Variants in ASTN2 observed in about 807,000 individuals in gnomAD.
ASTN2 encodes astrotactin-2.
Under a neutral mutation model 139.8 loss-of-function variants are expected in ASTN2, and 54 were observed. The observed-to-expected ratio is 0.39, with a 90% CI of 0.31 to 0.48. The LOEUF (loss-of-function observed/expected upper bound fraction) is 0.48. Ranked by LOEUF, ASTN2 falls within the 20% of genes least tolerant of loss-of-function variation. ASTN2 has a pLI of 0.95. For synonymous variants in ASTN2, 756 were observed against 719.5 expected (o/e 1.05, Z -0.81); for missense variants, 1,565 against 1,725.1 (o/e 0.91, Z 1.64).
chr9:117,236,485 A>C (rs961791868), intron 2 of ASTN2, among the ~76,000 whole-genome samples: 1 of 152,174 alleles, frequency 6.6e-6, no homozygotes, highest in African/African-American at 2.4e-5. Context: ...AGCAATGAAG[A>C]GGGAGCTCAG....
chr9:117,315,072 TTA>T (rs1828102281), intron 1 of ASTN2, among the ~76,000 whole-genome samples: 1 of 151,180 alleles, frequency 6.6e-6, no homozygotes, highest in African/African-American at 2.4e-5. Context: ...TACCAAATGC[TTA>T]CTCCAACATA....
Position 116,811,053 on chromosome 9 carries a change from G to A in ASTN2, c.2208-5233C>T, listed in dbSNP as rs139177941. ...CTATAGTTAAGGCACTAGCTCATTC[G>A]TAATGTGTTCGTGTTCTTTCTTTGC... On this transcript the variant is annotated intron_variant, in intron 12 of 22. Coordinates refer to ENST00000313400, the MANE Select transcript of ASTN2 (RefSeq NM_001365068.1). Among the ~76,000 whole-genome samples the A allele has an allele frequency of 6.8e-3, 1,031 of 152,166 alleles. 10 individuals are homozygous for A. Among genetic ancestry groups the A allele is most frequent in the African/African-American group, 0.023 (973 of 41,536 alleles).
intron 1 of ASTN2, among the ~76,000 whole-genome samples, chr9:117,407,020 G>A (rs1275954916): frequency 6.6e-6 from 1 of 152,090 alleles, no homozygotes; most frequent in Non-Finnish European, 1.5e-5. Flanking sequence ...AAAGGGCCTG[G>A]CTATGATTAT....
intron 10 of ASTN2, among the ~76,000 whole-genome samples, chr9:116,962,909 A>G (rs113857851): frequency 5.3e-5 from 8 of 152,192 alleles, no homozygotes; most frequent in Non-Finnish European, 1.0e-4. Flanking sequence ...ATATCAAAAC[A>G]TCTTCGTGAA....
At chr9:117,306,359 C>G (rs1012916231) in intron 1 of ASTN2, among the ~76,000 whole-genome samples, 33 of 152,154 alleles carry the variant, frequency 2.2e-4, no homozygotes, top group African/African-American at 7.7e-4. Context: ...GGAGTTATCC[C>G]AGGTTACATA....
intron 2 of ASTN2, among the ~76,000 whole-genome samples, chr9:117,255,661 A>G (rs1249709856): frequency 6.6e-6 from 1 of 152,234 alleles, no homozygotes; most frequent in Non-Finnish European, 1.5e-5. Context: ...AGAAAAGTAC[A>G]GAAAGAAGAT....
chr9:117,227,053 G>A (rs1832736944), intron 2 of ASTN2, among the ~76,000 whole-genome samples: 1 of 152,160 alleles, frequency 6.6e-6, no homozygotes, highest in Non-Finnish European at 1.5e-5. Context: ...AGCTTCTGAA[G>A]GGAGCTGGCA....
chr9:117,135,599 G>A (rs903406756), intron 4 of ASTN2, among the ~76,000 whole-genome samples: 4 of 152,126 alleles, frequency 2.6e-5, no homozygotes, highest in Non-Finnish European at 5.9e-5. Flanking sequence ...TCCATCATGG[G>A]ACTGTGAGAG....
chr9:116,675,028 C>A (rs1333886766), intron 16 of ASTN2, among the ~76,000 whole-genome samples: 1 of 152,152 alleles, frequency 6.6e-6, no homozygotes, highest in Admixed American at 6.5e-5. Context: ...GGTGAACCCC[C>A]TGGGCAGTTA....
chr9:116,723,896 C>T (rs545432852), intron 16 of ASTN2, among the ~76,000 whole-genome samples: 115 of 152,126 alleles, frequency 7.6e-4, no homozygotes, highest in Non-Finnish European at 1.2e-3. Flanking sequence ...CCAAGTTTAC[C>T]CCACAAGTTT....
At chr9:116,571,607 G>A (rs959483525) in intron 19 of ASTN2, among the ~76,000 whole-genome samples, 8 of 152,092 alleles carry the variant, frequency 5.3e-5, no homozygotes, top group Admixed American at 5.2e-4. Flanking sequence ...TGTGGCACAC[G>A]GTATGTATAT....
intron 3 of ASTN2, among the ~76,000 whole-genome samples, chr9:117,160,815 A>G (rs544328066): frequency 1.3e-5 from 2 of 152,170 alleles, no homozygotes; most frequent in East Asian, 1.9e-4. Flanking sequence ...TGCACTAACT[A>G]GGTACTGTCT....
At chr9:117,398,238 G>C (rs1051045171) in intron 1 of ASTN2, among the ~76,000 whole-genome samples, 1 of 152,152 alleles carries the variant, frequency 6.6e-6, no homozygotes, top group Non-Finnish European at 1.5e-5. Context: ...TTATAAGACG[G>C]ACAGTAAGAT....
chr9:117,184,107 T>A (rs1831140468), intron 3 of ASTN2, among the ~76,000 whole-genome samples: 1 of 152,110 alleles, frequency 6.6e-6, no homozygotes, highest in African/African-American at 2.4e-5. Flanking sequence ...TCACAATCCA[T>A]CTGCCCACAT....
At chr9:117,091,232 C>T (rs1295859647) in intron 5 of ASTN2, among the ~76,000 whole-genome samples, 1 of 152,194 alleles carries the variant, frequency 6.6e-6, no homozygotes. Flanking sequence ...CACCTATAAG[C>T]CAAACACTGT....
chr9:117,248,752 C>A (rs900200442), intron 2 of ASTN2, among the ~76,000 whole-genome samples: 1 of 152,186 alleles, frequency 6.6e-6, no homozygotes, highest in African/African-American at 2.4e-5. Context: ...GTGCAAACCC[C>A]AAACACCCCA....
intron 19 of ASTN2, among the ~76,000 whole-genome samples, chr9:116,542,790 G>A (rs1851928831): frequency 6.6e-6 from 1 of 151,994 alleles, no homozygotes; most frequent in Admixed American, 6.6e-5. Flanking sequence ...GGTGGCAGGT[G>A]CCTGTAATCC....
At chr9:116,793,266 A>G (rs1830604057) in intron 13 of ASTN2, among the ~76,000 whole-genome samples, 1 of 152,206 alleles carries the variant, frequency 6.6e-6, no homozygotes, top group Non-Finnish European at 1.5e-5. Context: ...TGGAAAAGCC[A>G]AAAACTGGAA....
At chr9:116,516,601 A>T (rs1850661316) in intron 19 of ASTN2, among the ~76,000 whole-genome samples, 2 of 152,222 alleles carry the variant, frequency 1.3e-5, no homozygotes, top group South Asian at 4.1e-4. Context: ...CATACCAGGA[A>T]GCCAAGAGAA....
Sources: allele counts gnomAD v4.1 joint callset (sites outside exome capture counted in the v4.1 genomes callset), GRCh38; gene constraint gnomAD v4.1.1; transcripts MANE v1.5; gene names NCBI Gene and HGNC (gene_info 2026-07-23, HGNC 2026-07-21).